Variants in ENTREP2 observed in about 807,000 individuals in gnomAD.
The protein encoded by ENTREP2 is endosomal transmembrane epsin interactor 2.
the ENTREP2 span, among the ~76,000 whole-genome samples, chr15:29,151,484 A>G: frequency 3.9e-4 from 60 of 152,328 alleles, no homozygotes; most frequent in African/African-American, 1.4e-3. Context: ...GGCACATGCC[A>G]GGGGCCATCC....
chr15:29,395,008 C>T, the ENTREP2 span, among the ~76,000 whole-genome samples: 1 of 150,860 alleles, frequency 6.6e-6, no homozygotes, highest in Non-Finnish European at 1.5e-5. Flanking sequence ...CTGCCTTAGC[C>T]TCCTGAGTAG....
chr15:29,315,422 A>G, the ENTREP2 span, among the ~76,000 whole-genome samples: 4 of 152,228 alleles, frequency 2.6e-5, no homozygotes, highest in Non-Finnish European at 5.9e-5. Context: ...TGTCTATGGT[A>G]ATTTAGTATA....
chr15:29,219,864 G>A, the ENTREP2 span, among the ~76,000 whole-genome samples: 2 of 151,400 alleles, frequency 1.3e-5, no homozygotes, highest in South Asian at 2.1e-4. Context: ...GTACTTGAGG[G>A]GAAAAGTAGG....
chr15:29,544,951 T>C, the ENTREP2 span, among the ~76,000 whole-genome samples: 1 of 152,138 alleles, frequency 6.6e-6, no homozygotes. Context: ...AGTACTGCCA[T>C]GTAGTTGAAT....
At chr15:29,336,136 C>T in the ENTREP2 span, among the ~76,000 whole-genome samples, 4 of 66,806 alleles carry the variant, frequency 6.0e-5, no homozygotes, top group Admixed American at 1.9e-4. Context: ...AGCGAGACTC[C>T]GTCTCAAAAA....
chr15:29,387,123 T>C, the ENTREP2 span, among the ~76,000 whole-genome samples: 1 of 152,206 alleles, frequency 6.6e-6, no homozygotes, highest in African/African-American at 2.4e-5. Flanking sequence ...CAGTATGATA[T>C]TGGCTGTGGG....
the ENTREP2 span, among the ~76,000 whole-genome samples, chr15:29,241,220 G>T: frequency 1.3e-5 from 2 of 152,138 alleles, no homozygotes; most frequent in Non-Finnish European, 2.9e-5. Context: ...CAGAGGGGAT[G>T]GGCTAACCGC....
At chr15:29,356,873 A>G in the ENTREP2 span, among the ~76,000 whole-genome samples, 59,892 of 151,920 alleles carry the variant, frequency 0.39, 15,649 homozygotes, top group African/African-American at 0.75. Flanking sequence ...CATAAAATCC[A>G]ACAAGCTGAT....
At chr15:29,555,181 C>T in the ENTREP2 span, among the ~76,000 whole-genome samples, 1 of 152,192 alleles carries the variant, frequency 6.6e-6, no homozygotes, top group Non-Finnish European at 1.5e-5. Context: ...GGAAGAAATC[C>T]CCCTTTCCTC....
chr15:29,317,345 C>G, the ENTREP2 span, among the ~76,000 whole-genome samples: 1 of 152,166 alleles, frequency 6.6e-6, no homozygotes, highest in African/African-American at 2.4e-5. Context: ...AAAAAACACA[C>G]AGTAATCAGA....
the ENTREP2 span, among the ~76,000 whole-genome samples, chr15:29,318,173 G>A: frequency 5.3e-5 from 8 of 152,156 alleles, no homozygotes; most frequent in Non-Finnish European, 7.3e-5. Flanking sequence ...CAGATACTGC[G>A]TTGTTGATAA....
At chr15:29,267,103 C>T in the ENTREP2 span, 1 of 152,188 alleles carries the variant, frequency 6.6e-6, no homozygotes, top group Admixed American at 6.5e-5. Context: ...ACTGATGAAA[C>T]AAATGCAAAT....
At chr15:29,531,823 G>GC in the ENTREP2 span, among the ~76,000 whole-genome samples, 1 of 152,114 alleles carries the variant, frequency 6.6e-6, no homozygotes, top group East Asian at 1.9e-4. Context: ...CCACCACCAC[G>GC]CCTGGCTAAT....
the ENTREP2 span, among the ~76,000 whole-genome samples, chr15:29,510,425 T>C: frequency 6.6e-6 from 1 of 152,198 alleles, no homozygotes; most frequent in South Asian, 2.1e-4. Flanking sequence ...TTATAAATCA[T>C]TCTACTATAA....
At chr15:29,649,727 CAAAAAAA>C in the ENTREP2 span, among the ~76,000 whole-genome samples, 7 of 66,938 alleles carry the variant, frequency 1.0e-4, no homozygotes, top group East Asian at 4.7e-4. Flanking sequence ...TCAACAACAA[CAAAAAAA>C]AAAAAAAAAA....
the ENTREP2 span, among the ~76,000 whole-genome samples, chr15:29,483,908 TAC>T: frequency 6.6e-6 from 1 of 152,208 alleles, no homozygotes; most frequent in African/African-American, 2.4e-5. Context: ...GGCTATAGTC[TAC>T]GTTTCAGCTG....
At chr15:29,628,504 T>C in the ENTREP2 span, among the ~76,000 whole-genome samples, 1 of 152,242 alleles carries the variant, frequency 6.6e-6, no homozygotes, top group Non-Finnish European at 1.5e-5. Flanking sequence ...TCACTTAGAA[T>C]ATTCTATCGA....
At chr15:29,227,951 A>G in the ENTREP2 span, among the ~76,000 whole-genome samples, 1 of 151,858 alleles carries the variant, frequency 6.6e-6, no homozygotes, top group South Asian at 2.1e-4. Flanking sequence ...AACATCTCTC[A>G]TAAACATAAG....
the ENTREP2 span, among the ~76,000 whole-genome samples, chr15:29,579,351 A>C: frequency 6.6e-6 from 1 of 152,194 alleles, no homozygotes; most frequent in African/African-American, 2.4e-5. Flanking sequence ...CAGCAGCAGC[A>C]AATTGCTGAG....
Sources: allele counts gnomAD v4.1 joint callset (sites outside exome capture counted in the v4.1 genomes callset), GRCh38; gene constraint gnomAD v4.1.1; transcripts MANE v1.5; gene names NCBI Gene and HGNC (gene_info 2026-07-23, HGNC 2026-07-21).